The following MRM1 variants were observed in gnomAD, a reference collection of about 807,000 sequenced individuals.
MRM1 encodes the protein rRNA methyltransferase 1, mitochondrial.
Under a neutral mutation model 25.0 loss-of-function variants are expected in MRM1, and 24 were observed. The observed-to-expected ratio is 0.96, with a 90% CI of 0.69 to 1.35. The LOEUF (loss-of-function observed/expected upper bound fraction) is 1.35, where lower values mean the gene tolerates loss of function less well. MRM1 is among the 40% of genes most tolerant of loss of function. The pLI is 0.00. For synonymous variants in MRM1, 188 were observed against 199.2 expected (o/e 0.94, Z 0.47); for missense variants, 431 against 464.1 (o/e 0.93, Z 0.65).
At chr17:36,608,054 C>A in intron 4 of MRM1, 36 bp downstream of exon 4, 1 of 1,607,844 alleles carries the variant, frequency 6.2e-7, no homozygotes, top group Non-Finnish European at 8.5e-7. Flanking sequence ...CTCTATCCCT[C>A]TAATCACGCA....
At chr17:36,627,054 G>A in the MRM1 span, among the ~76,000 whole-genome samples, 3 of 152,192 alleles carry the variant, frequency 2.0e-5, no homozygotes, top group Non-Finnish European at 4.4e-5. Flanking sequence ...CTTCCTCACA[G>A]GGTTATTGTA....
Position 36,602,484 on chromosome 17 carries a change from G to GC in MRM1, c.543-66dup. On this transcript the variant is annotated intron_variant, in intron 1 of 4. Transcript: ENST00000614766. The surrounding 1 kb of genome is among the most constrained non-coding windows in gnomAD (Gnocchi z 4.1). ...ACTCTCATCCCCCTAGCCCTTGGGA[G>GC]CCCTGGGAGGGTAGGGAGCCGGGCT... 6.2e-7 allele frequency: 1 copy of GC among 1,608,722 alleles called. No homozygotes were observed. The highest frequency in any genetic ancestry group is 1.1e-5 in the South Asian group (1 of 90,634).
the MRM1 span, among the ~76,000 whole-genome samples, chr17:36,625,545 T>G: frequency 1.5e-5 from 2 of 136,296 alleles, no homozygotes; most frequent in African/African-American, 5.4e-5. Context: ...CACTGCAAAC[T>G]CCGCCTCCTG....
In MRM1 at chr17:36,602,932, G is replaced by A. The variant is rs902474036; in HGVS notation, c.636+286G>A. 1.0e-6 allele frequency: 1 copy of A among 985,382 alleles called. No homozygotes were observed. 61.0% of individuals were successfully genotyped at this position (985,382 alleles called of 1,614,324 possible). ...TCAGTGTCTATTTGCCTACTAGGTC[G>A]GGCTTCAGTAAATGCATTTTGTTCA... On this transcript the variant is annotated intron_variant, in intron 2 of 4. Transcript: ENST00000614766. This position sits in a 1 kb window ranked among gnomAD's most constrained non-coding sequence, Gnocchi z 4.1.
the MRM1 span, among the ~76,000 whole-genome samples, chr17:36,632,607 C>CA: frequency 2.0e-5 from 3 of 152,138 alleles, no homozygotes; most frequent in African/African-American, 7.2e-5. Context: ...TGCTCCCCCC[C>CA]ACTGCCATCT....
At position 36,602,340 on chromosome 17, in the gene MRM1, G is replaced by GC. The variant is rs776902801; in HGVS notation, c.532dup (p.Arg178ProfsTer28). 1 of 1,560,488 alleles carries GC rather than the reference G, an allele frequency of 6.4e-7. No homozygotes were observed. Among genetic ancestry groups the GC allele is most frequent in the Non-Finnish European group, 8.7e-7 (1 of 1,150,214 alleles). ...CTCGGAGTGGATAAGGTCATCACCAGCCGGAGAAACAGGCACGGACGTCCC... is the reference window on the plus strand; with the variant it reads ...CTCGGAGTGGATAAGGTCATCACCAGCCCGGAGAAACAGGCACGGACGTCCC... On this transcript the variant is annotated frameshift_variant, in exon 1 of 5. Transcript: ENST00000614766. LOFTEE classifies it high-confidence loss of function. This position sits in a 1 kb window ranked among gnomAD's most constrained non-coding sequence, Gnocchi z 4.1.
chr17:36,626,944 C>T, the MRM1 span, among the ~76,000 whole-genome samples: 1 of 152,150 alleles, frequency 6.6e-6, no homozygotes, highest in Admixed American at 6.5e-5. Flanking sequence ...TAAATGGTGC[C>T]CCAGGCCTCA....
chr17:36,611,482 A>C (rs1014275390), downstream of MRM1, among the ~76,000 whole-genome samples: 2 of 152,204 alleles, frequency 1.3e-5, no homozygotes, highest in African/African-American at 4.8e-5. Flanking sequence ...GGACTAGCGC[A>C]CAATAATACA....
Position 36,602,673 on chromosome 17 carries a change from C to G in MRM1, c.636+27C>G. On this transcript the variant is annotated intron_variant, in intron 2 of 4. Transcript: ENST00000614766. The surrounding 1 kb of genome is among the most constrained non-coding windows in gnomAD (Gnocchi z 4.1). Reference sequence around the variant, plus strand: ...TAATGAGGGGCAAGAGGGGAAGGAACAGATGTGAGCCCAGCTCAGCCTCTT... The same window carrying G: ...TAATGAGGGGCAAGAGGGGAAGGAAGAGATGTGAGCCCAGCTCAGCCTCTT... 6.2e-7 allele frequency: 1 copy of G among 1,611,314 alleles called. No individual in the cohort carries two copies. Among genetic ancestry groups the G allele is most frequent in the Non-Finnish European group, 8.5e-7 (1 of 1,177,380 alleles).
At position 36,602,657 on chromosome 17, in the gene MRM1, G is replaced by T; in HGVS notation, c.636+11G>T. The T allele has an allele frequency of 6.2e-7, 1 of 1,613,790 alleles. No individual in the cohort carries two copies. Among genetic ancestry groups the T allele is most frequent in the East Asian group, 2.2e-5 (1 of 44,862 alleles). ...ACCGGATTTTTACAGGTAATGAGGGGCAAGAGGGGAAGGAACAGATGTGAG... is the reference window on the plus strand; with the variant it reads ...ACCGGATTTTTACAGGTAATGAGGGTCAAGAGGGGAAGGAACAGATGTGAG... On this transcript the variant is annotated intron_variant, in intron 2 of 4. Transcript: ENST00000614766. The surrounding 1 kb of genome is among the most constrained non-coding windows in gnomAD (Gnocchi z 4.1).
chr17:36,623,659 G>A, the MRM1 span, among the ~76,000 whole-genome samples: 3 of 152,212 alleles, frequency 2.0e-5, no homozygotes, highest in African/African-American at 7.2e-5. Flanking sequence ...TGGGACCCCT[G>A]CCCAGGTAGG....
the MRM1 span, among the ~76,000 whole-genome samples, chr17:36,633,664 G>GGGGAGGAGA: frequency 6.6e-6 from 1 of 151,574 alleles, no homozygotes; most frequent in African/African-American, 2.4e-5. Context: ...AGAAGGAGGA[G>GGGGAGGAGA]GGGAGGAGAG....
the MRM1 span, among the ~76,000 whole-genome samples, chr17:36,619,670 A>G: frequency 6.6e-6 from 1 of 152,108 alleles, no homozygotes; most frequent in East Asian, 1.9e-4. Flanking sequence ...TCAAAAAGAA[A>G]AAAAAAAAAA....
the MRM1 span, among the ~76,000 whole-genome samples, chr17:36,630,336 C>A: frequency 6.6e-6 from 1 of 152,128 alleles, no homozygotes; most frequent in Non-Finnish European, 1.5e-5. Context: ...CTTGAGAGAC[C>A]CCGTCCTCAG....
the MRM1 span, among the ~76,000 whole-genome samples, chr17:36,633,004 T>C: frequency 6.6e-6 from 1 of 152,224 alleles, no homozygotes; most frequent in East Asian, 1.9e-4. Flanking sequence ...AATTCCTGGA[T>C]TATTAAAACA....
chr17:36,605,578 C>T (rs1329974760), intron 2 of MRM1, among the ~76,000 whole-genome samples: 5 of 151,130 alleles, frequency 3.3e-5, no homozygotes, highest in African/African-American at 1.2e-4. Flanking sequence ...ATACTCCAGC[C>T]TGGACCTTGG....
the MRM1 span, among the ~76,000 whole-genome samples, chr17:36,626,846 G>T: frequency 6.6e-6 from 1 of 152,200 alleles, no homozygotes; most frequent in African/African-American, 2.4e-5. Context: ...TGCCGGGTGA[G>T]TGTGTTTTTC....
At chr17:36,607,155 C>A (rs937555706) in intron 2 of MRM1, among the ~76,000 whole-genome samples, 5 of 151,942 alleles carry the variant, frequency 3.3e-5, no homozygotes, top group African/African-American at 1.2e-4. Context: ...CTCAGGTGAT[C>A]CCCCTGCCTT....
At chr17:36,617,183 C>T in the MRM1 span, among the ~76,000 whole-genome samples, 1 of 152,140 alleles carries the variant, frequency 6.6e-6, no homozygotes. Context: ...AGCCTTGGCC[C>T]CACAGAGACT....
Sources: gnomAD v4.1 joint callset for allele counts (sites outside exome capture counted in the v4.1 genomes callset) on GRCh38, gnomAD v4.1.1 for gene constraint, Gnocchi (gnomAD v3.1) non-coding constraint, MANE v1.5 for transcripts, NCBI Gene and HGNC (gene_info 2026-07-23, HGNC 2026-07-21) for gene names.